The following JAKMIP1 variants were observed in gnomAD, a reference collection of about 807,000 sequenced individuals.
JAKMIP1 encodes the protein janus kinase and microtubule interacting protein 1.
A neutral mutation model predicts 113.0 loss-of-function variants in JAKMIP1; 33 were observed. That is an observed-to-expected ratio of 0.29 (90% confidence interval 0.22 to 0.39). The LOEUF (loss-of-function observed/expected upper bound fraction) is 0.39, where lower values mean the gene tolerates loss of function less well. Among genes scored for constraint, JAKMIP1 ranks in the 10% least tolerant of loss-of-function variants. The pLI, the probability that JAKMIP1 is intolerant of heterozygous loss-of-function variation, is 1.00. For missense variants in JAKMIP1, 813 were observed against 1,080.5 expected (o/e 0.75, Z 3.47); for synonymous variants, 480 against 459.9 (o/e 1.04, Z -0.56).
At position 6,167,344 on chromosome 4, in the gene JAKMIP1, C is replaced by T. The variant is rs1389604065; in HGVS notation, c.-148+32909G>A. ...GACAGTGGCCCTTGTCTCCCTCCAG[C>T]CTCCTCTGCTCTGGCCTGGACCACT... On this transcript the variant is annotated intron_variant, in intron 1 of 20. Transcript: ENST00000409021. This position sits in a 1 kb window ranked among gnomAD's most constrained non-coding sequence, Gnocchi z 5.3. 6.6e-6 allele frequency among the ~76,000 whole-genome samples: 1 copy of T among 151,978 alleles called. No individual in the cohort carries two copies. The highest frequency in any genetic ancestry group is 2.4e-5 in the African/African-American group (1 of 41,380).
In JAKMIP1 at chr4:6,140,720, G is replaced by T. The variant is rs757443927; in HGVS notation, c.-147-27723C>A. On this transcript the variant is annotated intron_variant, in intron 1 of 20. Coordinates refer to ENST00000409021, the MANE Select transcript of JAKMIP1 (RefSeq NM_001099433.2). The surrounding 1 kb of genome is among the most constrained non-coding windows in gnomAD (Gnocchi z 9.4). ...TTTTACCTGGAAAAGGGATGACAAA[G>T]TATCCCAGATAACTTGGTAGAATAA... Among the ~76,000 whole-genome samples the T allele has an allele frequency of 1.1e-4, 17 of 152,142 alleles. No homozygotes were observed. Among genetic ancestry groups the T allele is most frequent in the Non-Finnish European group, 2.2e-4 (15 of 68,030 alleles).
In JAKMIP1 at chr4:6,049,794, G is replaced by C. The variant is rs2108766570; in HGVS notation, c.1962+25C>G. The C allele has an allele frequency of 6.3e-7, 1 of 1,584,740 alleles. No individual in the cohort carries two copies. Among genetic ancestry groups the C allele is most frequent in the East Asian group, 2.2e-5 (1 of 44,702 alleles). ...CCCAGATCAAAACAAGAACACGAAAGCAGAAACCGATCGCTCATAGTTACC... is the reference window on the plus strand; with the variant it reads ...CCCAGATCAAAACAAGAACACGAAACCAGAAACCGATCGCTCATAGTTACC... On this transcript the variant is annotated intron_variant, in intron 15 of 20. Transcript: ENST00000409021. This position sits in a 1 kb window ranked among gnomAD's most constrained non-coding sequence, Gnocchi z 7.0.
Position 6,089,983 on chromosome 4 carries a change from A to T in JAKMIP1, c.625-4354T>A, listed in dbSNP as rs1391318107. ...ACACCTGTAATCCCAGCACTTTGGG[A>T]GGCCGAGGCAGGCGAATCACCTGGG... On this transcript the variant is annotated intron_variant, in intron 3 of 20. Transcript: ENST00000409021. The surrounding 1 kb of genome is among the most constrained non-coding windows in gnomAD (Gnocchi z 5.3). Among the ~76,000 whole-genome samples the T allele has an allele frequency of 1.3e-5, 2 of 152,194 alleles. No homozygotes were observed. The highest frequency in any genetic ancestry group is 2.9e-5 in the Non-Finnish European group (2 of 68,052).
chr4:6,049,154 A>T lies in JAKMIP1; in HGVS notation c.1963-232T>A, dbSNP rs1715352375. On this transcript the variant is annotated intron_variant, in intron 15 of 20. Transcript: ENST00000409021. The surrounding 1 kb of genome is among the most constrained non-coding windows in gnomAD (Gnocchi z 7.0). ...GTGATTCTCTTGCCTCAGCCTCCCGAGTAGCTGGGATTACAGCAGCTGGGA... is the reference window on the plus strand; with the variant it reads ...GTGATTCTCTTGCCTCAGCCTCCCGTGTAGCTGGGATTACAGCAGCTGGGA... Among the ~76,000 whole-genome samples the T allele has an allele frequency of 6.6e-6, 1 of 152,080 alleles. No individual in the cohort carries two copies. Among genetic ancestry groups the T allele is most frequent in the Admixed American group, 6.5e-5 (1 of 15,270 alleles).
chr4:6,038,516 G>T (rs1713870959), intron 18 of JAKMIP1, among the ~76,000 whole-genome samples: 1 of 151,870 alleles, frequency 6.6e-6, no homozygotes, highest in Admixed American at 6.6e-5. Flanking sequence ...TGAGGCAGAG[G>T]CTAACCGGTA....
rs1001830424 is a variant in JAKMIP1, at chr4:6,097,697, C to T, written c.624+7776G>A. ...GGGGGAAGCTTTACAGATCACTTCC[C>T]CATTTTGCAACAAAAAATGCAATAA... On this transcript the variant is annotated intron_variant, in intron 3 of 20. Coordinates refer to ENST00000409021, the MANE Select transcript of JAKMIP1 (RefSeq NM_001099433.2). The surrounding 1 kb of genome is among the most constrained non-coding windows in gnomAD (Gnocchi z 4.3). Among the ~76,000 whole-genome samples, 3 of 152,144 alleles carry T rather than the reference C, an allele frequency of 2.0e-5. No individual in the cohort carries two copies. The highest frequency in any genetic ancestry group is 7.2e-5 in the African/African-American group (3 of 41,410).
intron 16 of JAKMIP1, among the ~76,000 whole-genome samples, chr4:6,045,262 G>C (rs991541025): frequency 6.6e-6 from 1 of 152,184 alleles, no homozygotes; most frequent in Non-Finnish European, 1.5e-5. Flanking sequence ...TCTTTTTCTC[G>C]ATCCACTTTG....
At position 6,081,372 on chromosome 4, in the gene JAKMIP1, G is replaced by GA; in HGVS notation, c.1101+236dup. On this transcript the variant is annotated intron_variant, in intron 6 of 20. Transcript: ENST00000409021. The surrounding 1 kb of genome is among the most constrained non-coding windows in gnomAD (Gnocchi z 4.6). ...AAACAGAGGCTCAGAGAGAATGGGG[G>GA]ATGTGTTTAAGGACACAGCTGTCTG... Among the ~76,000 whole-genome samples, 1 of 152,248 alleles carries GA rather than the reference G, an allele frequency of 6.6e-6. No homozygotes were observed. The highest frequency in any genetic ancestry group is 2.1e-4 in the South Asian group (1 of 4,810).
rs779172118 is a variant in JAKMIP1, at chr4:6,112,764, C to G, written c.87G>C (p.Lys29Asn). The G allele has an allele frequency of 6.2e-7, 1 of 1,614,120 alleles. No homozygotes were observed. The highest frequency in any genetic ancestry group is 8.5e-7 in the Non-Finnish European group (1 of 1,180,040). ...VQMANEELRAKLTSIQIEFQQ... is the reference protein window; with the variant it reads ...VQMANEELRANLTSIQIEFQQ... ...GGAACTCGATCTGAATGCTGGTCAG[C>G]TTGGCCCGCAGCTCCTCGTTGGCCA... Residue 29 changes from lysine (K) to asparagine (N), a missense_variant, in exon 2 of 21, where the codon AAG becomes AAC. By Grantham distance (94) the Lys-to-Asn change is moderately conservative (BLOSUM62 0). This residue lies in a region of JAKMIP1 where 540 missense variants were observed against 653.9 expected (regional missense o/e 0.83). Transcript: ENST00000409021.
chr4:6,151,583 C>A (rs1270661000), intron 1 of JAKMIP1, among the ~76,000 whole-genome samples: 1 of 152,154 alleles, frequency 6.6e-6, no homozygotes, highest in Admixed American at 6.5e-5. Flanking sequence ...CCATGCCCCA[C>A]CTAGTTGCAC....
chr4:6,083,607 CAA>C (rs201032315), intron 5 of JAKMIP1, among the ~76,000 whole-genome samples: 5 of 115,986 alleles, frequency 4.3e-5, no homozygotes, highest in Non-Finnish European at 5.6e-5. Flanking sequence ...TGATTAAAGC[CAA>C]AAAAAAAAAA....
chr4:6,190,530 A>C (rs1166247681), intron 1 of JAKMIP1, among the ~76,000 whole-genome samples: 2 of 152,062 alleles, frequency 1.3e-5, no homozygotes, highest in Admixed American at 6.6e-5. Flanking sequence ...CAGATAAGTC[A>C]CTCACTCCCC....
rs1050915984 is a variant in JAKMIP1, at chr4:6,180,094, T to C, written c.-148+20159A>G. ...CATGACCCTCTTAGAACAAAGCATA[T>C]TGACAGAAAATTAAGTGCCACTGAA... On this transcript the variant is annotated intron_variant, in intron 1 of 20. Coordinates refer to ENST00000409021, the MANE Select transcript of JAKMIP1 (RefSeq NM_001099433.2). This position sits in a 1 kb window ranked among gnomAD's most constrained non-coding sequence, Gnocchi z 4.5. 5.9e-5 allele frequency among the ~76,000 whole-genome samples: 9 copies of C among 152,172 alleles called. No individual in the cohort carries two copies. The highest frequency in any genetic ancestry group is 9.7e-5 in the African/African-American group (4 of 41,430).
In JAKMIP1 at chr4:6,141,482, AAAAAC is replaced by A. The variant is rs1720143627; in HGVS notation, c.-147-28490_-147-28486del. 6.6e-6 allele frequency among the ~76,000 whole-genome samples: 1 copy of A among 152,140 alleles called. No homozygotes were observed. The highest frequency in any genetic ancestry group is 1.5e-5 in the Non-Finnish European group (1 of 68,006). On this transcript the variant is annotated intron_variant, in intron 1 of 20. Transcript: ENST00000409021. The surrounding 1 kb of genome is among the most constrained non-coding windows in gnomAD (Gnocchi z 9.4). Reference sequence around the variant, plus strand: ...ACCAAAAAACAAACAAACAAACACAAAAAACAAAGTGGTAGATGAAACCCTTCCTG... The same window carrying A: ...ACCAAAAAACAAACAAACAAACACAAAAAGTGGTAGATGAAACCCTTCCTG...
chr4:6,032,148 T>C (rs1000115562), intron 19 of JAKMIP1, among the ~76,000 whole-genome samples: 1 of 152,190 alleles, frequency 6.6e-6, no homozygotes, highest in African/African-American at 2.4e-5. Flanking sequence ...CCCTCTGCTG[T>C]AATGTCTGTG....
At chr4:6,099,755 C>A (rs11944327) in intron 3 of JAKMIP1, among the ~76,000 whole-genome samples, 5,182 of 152,306 alleles carry the variant, frequency 0.034, 143 homozygotes, top group Middle Eastern at 0.085. Context: ...GGTGGTACAG[C>A]CTCTGGCGAC....
intron 12 of JAKMIP1, among the ~76,000 whole-genome samples, chr4:6,056,425 G>C (rs1716474038): frequency 6.6e-6 from 1 of 152,222 alleles, no homozygotes; most frequent in African/African-American, 2.4e-5. Context: ...GAGTGGCCTG[G>C]GAAGACAGGC....
chr4:6,080,392 G>C lies in JAKMIP1; in HGVS notation c.1102-80C>G, dbSNP rs568867372. On this transcript the variant is annotated intron_variant, in intron 6 of 20. Coordinates refer to ENST00000409021, the MANE Select transcript of JAKMIP1 (RefSeq NM_001099433.2). This position sits in a 1 kb window ranked among gnomAD's most constrained non-coding sequence, Gnocchi z 6.0. Reference sequence around the variant, plus strand: ...AGGGACAGTGCTGGAGTGGAGCTCAGGGGTGCAGGGACAGAAGGATGGATG... The same window carrying C: ...AGGGACAGTGCTGGAGTGGAGCTCACGGGTGCAGGGACAGAAGGATGGATG... 82 of 1,513,668 alleles carry C rather than the reference G, an allele frequency of 5.4e-5. No homozygotes were observed. In the African/African-American group the frequency reaches 9.9e-4, roughly 18 times the overall value. 93.8% of individuals were successfully genotyped at this position (1,513,668 alleles called of 1,614,324 possible).
intron 3 of JAKMIP1, among the ~76,000 whole-genome samples, chr4:6,101,194 T>C (rs1418752390): frequency 1.3e-5 from 2 of 152,210 alleles, no homozygotes; most frequent in Non-Finnish European, 2.9e-5. Flanking sequence ...CATGTAGGCC[T>C]ATGGACCACT....
Sources: gnomAD v4.1 joint callset for allele counts (sites outside exome capture counted in the v4.1 genomes callset) on GRCh38, gnomAD v4.1.1 for gene constraint, gnomAD v4.1.1 regional missense constraint, Gnocchi (gnomAD v3.1) non-coding constraint, MANE v1.5 for transcripts, NCBI Gene and HGNC (gene_info 2026-07-23, HGNC 2026-07-21) for gene names.